The following CNTNAP2 variants were observed in gnomAD, a reference collection of about 807,000 sequenced individuals.
CNTNAP2 encodes contactin-associated protein-like 2.
Under a neutral mutation model 155.2 loss-of-function variants are expected in CNTNAP2, and 98 were observed. That is an observed-to-expected ratio of 0.63 (90% CI 0.54 to 0.75). The LOEUF (loss-of-function observed/expected upper bound fraction) is 0.75, where lower values mean the gene tolerates loss of function less well. Among genes scored for constraint, CNTNAP2 ranks in the 30% least tolerant of loss-of-function variants. CNTNAP2 has a pLI of 0.00. For missense variants in CNTNAP2, 1,727 were observed against 1,688.1 expected (o/e 1.02, Z -0.40); for synonymous variants, 651 against 631.2 (o/e 1.03, Z -0.47).
chr7:146,592,667 T>C (rs1473319753), intron 1 of CNTNAP2, among the ~76,000 whole-genome samples: 1 of 151,912 alleles, frequency 6.6e-6, no homozygotes, highest in African/African-American at 2.4e-5. Flanking sequence ...AAAAATCATC[T>C]TCTAGATCAA....
At chr7:146,500,216 T>C (rs943567461) in intron 1 of CNTNAP2, among the ~76,000 whole-genome samples, 1 of 152,186 alleles carries the variant, frequency 6.6e-6, no homozygotes, top group African/African-American at 2.4e-5. Context: ...CATCTGAGAA[T>C]AGGTGTTACC....
At chr7:147,676,984 T>C (rs1354980318) in intron 13 of CNTNAP2, among the ~76,000 whole-genome samples, 1 of 151,990 alleles carries the variant, frequency 6.6e-6, no homozygotes, top group Non-Finnish European at 1.5e-5. Flanking sequence ...AGAATGTAGA[T>C]ATCTCTTTGA....
intron 15 of CNTNAP2, among the ~76,000 whole-genome samples, chr7:148,107,875 T>C (rs960192054): frequency 7.2e-5 from 11 of 152,232 alleles, no homozygotes; most frequent in Non-Finnish European, 1.3e-4. Flanking sequence ...GATATTCTTC[T>C]AGGTGCAGCC....
chr7:148,013,626 C>A (rs1451673875), intron 15 of CNTNAP2, among the ~76,000 whole-genome samples: 1 of 152,176 alleles, frequency 6.6e-6, no homozygotes, highest in African/African-American at 2.4e-5. Flanking sequence ...CATATGCCAA[C>A]CCCAGGAAAA....
chr7:148,143,055 A>T (rs1179691405), intron 16 of CNTNAP2, among the ~76,000 whole-genome samples: 1 of 152,228 alleles, frequency 6.6e-6, no homozygotes, highest in Non-Finnish European at 1.5e-5. Flanking sequence ...ATGATTCAGT[A>T]TCTAAAATTA....
intron 1 of CNTNAP2, among the ~76,000 whole-genome samples, chr7:146,747,049 T>C (rs1452882650): frequency 2.0e-5 from 3 of 152,168 alleles, no homozygotes; most frequent in African/African-American, 7.2e-5. Flanking sequence ...AATCCATCTA[T>C]GTAGCTCTGG....
intron 21 of CNTNAP2, among the ~76,000 whole-genome samples, chr7:148,323,209 AT>A (rs942390624): frequency 1.3e-4 from 20 of 151,594 alleles, no homozygotes; most frequent in African/African-American, 4.6e-4. Context: ...AGTGACAGTC[AT>A]AATAGTGGTT....
intron 3 of CNTNAP2, among the ~76,000 whole-genome samples, chr7:147,016,392 C>G (rs190873921): frequency 9.2e-5 from 14 of 152,128 alleles, no homozygotes; most frequent in Admixed American, 1.3e-4. Flanking sequence ...TTCCTGTATT[C>G]AAATCTCCCC....
chr7:147,595,755 C>T (rs1800815707), intron 12 of CNTNAP2, among the ~76,000 whole-genome samples: 1 of 152,128 alleles, frequency 6.6e-6, no homozygotes, highest in South Asian at 2.1e-4. Flanking sequence ...GTCCTGAGAC[C>T]CTCCTCAGAA....
At chr7:147,107,263 TATC>T (rs913608314) in intron 4 of CNTNAP2, among the ~76,000 whole-genome samples, 2 of 152,164 alleles carry the variant, frequency 1.3e-5, no homozygotes, top group Non-Finnish European at 2.9e-5. Context: ...TAATAAATAA[TATC>T]ATCTCATTTT....
At chr7:146,340,302 T>C (rs1303629853) in intron 1 of CNTNAP2, among the ~76,000 whole-genome samples, 1 of 148,500 alleles carries the variant, frequency 6.7e-6, no homozygotes, top group Non-Finnish European at 1.5e-5. Flanking sequence ...TTTTTTTTTT[T>C]GGTTAAGCAA....
chr7:146,827,994 T>A (rs1230932373), intron 2 of CNTNAP2, among the ~76,000 whole-genome samples: 2 of 152,094 alleles, frequency 1.3e-5, no homozygotes, highest in Non-Finnish European at 1.5e-5. Context: ...ACATATCTGG[T>A]TTTCCATATG....
At chr7:147,231,504 C>T (rs1440313587) in intron 8 of CNTNAP2, among the ~76,000 whole-genome samples, 1 of 152,158 alleles carries the variant, frequency 6.6e-6, no homozygotes, top group African/African-American at 2.4e-5. Context: ...TTTGAGGAAG[C>T]TCCATGATAT....
intron 11 of CNTNAP2, among the ~76,000 whole-genome samples, chr7:147,558,376 A>G (rs1407825795): frequency 6.6e-6 from 1 of 152,206 alleles, no homozygotes; most frequent in Non-Finnish European, 1.5e-5. Flanking sequence ...AATAAAAATT[A>G]GTCTACCTTG....
chr7:147,826,529 T>C (rs903367608), intron 13 of CNTNAP2, among the ~76,000 whole-genome samples: 3 of 152,202 alleles, frequency 2.0e-5, no homozygotes, highest in Non-Finnish European at 4.4e-5. Flanking sequence ...TAAAAAGCCA[T>C]AGCACATGCT....
At chr7:148,222,519 G>T (rs199772142) in intron 19 of CNTNAP2, among the ~76,000 whole-genome samples, 18 of 151,394 alleles carry the variant, frequency 1.2e-4, no homozygotes, top group South Asian at 6.3e-4. Context: ...TCCATGAATC[G>T]ATGAATGGAT....
intron 10 of CNTNAP2, among the ~76,000 whole-genome samples, chr7:147,485,599 G>C (rs755284800): frequency 6.6e-6 from 1 of 152,072 alleles, no homozygotes; most frequent in South Asian, 2.1e-4. Context: ...GCTTATCTTC[G>C]ATCTTTCACC....
At chr7:148,363,276 C>A (rs1167616431) in intron 21 of CNTNAP2, among the ~76,000 whole-genome samples, 2 of 152,232 alleles carry the variant, frequency 1.3e-5, no homozygotes, top group African/African-American at 4.8e-5. Context: ...AGCCACCACG[C>A]ACGGCCTCAA....
Position 147,469,530 on chromosome 7 carries a change from TTTC to T in CNTNAP2, c.1671-16403_1671-16401del, listed in dbSNP as rs1467741089. 2.5e-4 allele frequency among the ~76,000 whole-genome samples: 19 copies of T among 75,132 alleles called. 4 individuals are homozygous for T. Among genetic ancestry groups the T allele is most frequent in the South Asian group, 1.4e-3 (4 of 2,852 alleles). 49.3% of individuals were successfully genotyped at this position (75,132 alleles called of 152,430 possible). ...AATTTTTTTTTTTTTTTTTTTTTTT[TTTC>T]TGTGAGACAAAGTCTCGCTCTGCCG... On this transcript the variant is annotated intron_variant, in intron 10 of 23. Coordinates refer to ENST00000361727, the MANE Select transcript of CNTNAP2 (RefSeq NM_014141.6).
Sources: allele counts gnomAD v4.1 joint callset (sites outside exome capture counted in the v4.1 genomes callset), GRCh38; gene constraint gnomAD v4.1.1; transcripts MANE v1.5; gene names NCBI Gene and HGNC (gene_info 2026-07-23, HGNC 2026-07-21).